Variants in LGR5 observed in about 807,000 individuals in gnomAD.
The protein encoded by LGR5 is leucine-rich repeat-containing G protein-coupled receptor 5.
LGR5 carries 54 observed loss-of-function variants against 76.7 expected under a neutral mutation model. That is an observed-to-expected ratio of 0.70 (90% CI 0.57 to 0.88). The LOEUF (loss-of-function observed/expected upper bound fraction) is 0.88, where lower values mean the gene tolerates loss of function less well. Ranked by LOEUF, LGR5 falls within the 40% of genes least tolerant of loss-of-function variation. The pLI is 0.00. For missense variants in LGR5, 1,078 were observed against 1,073.3 expected, an observed-to-expected ratio of 1.00 and a Z score of -0.06; for synonymous variants, 406 against 421.9, an observed-to-expected ratio of 0.96 and a Z score of 0.46.
rs565300487 is a variant in LGR5, at chr12:71,544,456, T to A, written c.429-8617T>A. ...CAAATTTCCCATATAAGCAATCATG[T>A]TATTTAATATCTTCCTAGATAGGCT... On this transcript the variant is annotated intron_variant, in intron 4 of 17. Transcript: ENST00000266674. 2.7e-5 allele frequency among the ~76,000 whole-genome samples: 4 copies of A among 150,820 alleles called. No homozygotes were observed. The South Asian group carries it at 8.3e-4, about 31-fold the overall frequency.
chr12:71,535,059 A>G (rs1876515184), intron 3 of LGR5, 56 bp from the exon 4 acceptor site: 3 of 1,153,126 alleles, frequency 2.6e-6, no homozygotes, highest in Admixed American at 1.7e-5. Flanking sequence ...GGCCTTGTTT[A>G]GGCCTGTTAT....
intron 8 of LGR5, among the ~76,000 whole-genome samples, chr12:71,563,577 T>C (rs1249631669): frequency 1.3e-5 from 2 of 152,104 alleles, no homozygotes; most frequent in Non-Finnish European, 2.9e-5. Flanking sequence ...TCCCCAAAGC[T>C]CTCCTCATTC....
At chr12:71,516,387 G>A (rs1473920876) in intron 2 of LGR5, among the ~76,000 whole-genome samples, 1 of 152,122 alleles carries the variant, frequency 6.6e-6, no homozygotes, top group Non-Finnish European at 1.5e-5. Context: ...GGTAGATCTA[G>A]CCAGGCCCCC....
chr12:71,566,253 C>T, intron 8 of LGR5, 151 bp from the exon 9 acceptor site: 1 of 607,878 alleles, frequency 1.6e-6, no homozygotes, highest in Non-Finnish European at 2.9e-6. Context: ...ACTTTTGAGG[C>T]TTGCCTGAAA....
At chr12:71,480,979 G>A (rs1013474856) in intron 1 of LGR5, among the ~76,000 whole-genome samples, 11 of 152,146 alleles carry the variant, frequency 7.2e-5, no homozygotes, top group African/African-American at 2.7e-4. Flanking sequence ...TCATACGATA[G>A]CTAGATAACA....
At chr12:71,518,946 TATATAACAAACCTGC>T (rs1360230463) in intron 2 of LGR5, among the ~76,000 whole-genome samples, 5 of 152,188 alleles carry the variant, frequency 3.3e-5, no homozygotes, top group Non-Finnish European at 5.9e-5. Flanking sequence ...CAAGTTTACC[TATATAACAAACCTGC>T]ATATGTACCC....
Position 71,532,796 on chromosome 12 carries a change from A to AT in LGR5, c.357-2305dup, listed in dbSNP as rs34973486. Reference sequence around the variant, plus strand: ...AGCTCTTCCTCAAGTTCAAATGAAGATTTTTTTTTTTTTTGAGACAGGGTC... The same window carrying AT: ...AGCTCTTCCTCAAGTTCAAATGAAGATTTTTTTTTTTTTTTGAGACAGGGTC... On this transcript the variant is annotated intron_variant, in intron 3 of 17. Coordinates refer to ENST00000266674, the MANE Select transcript of LGR5 (RefSeq NM_003667.4). 6.6e-3 allele frequency among the ~76,000 whole-genome samples: 961 copies of AT among 146,144 alleles called. 12 individuals are homozygous for AT. The highest frequency in any genetic ancestry group is 0.018 in the African/African-American group (738 of 39,976).
chr12:71,570,411 G>T (rs1391645973), intron 11 of LGR5, among the ~76,000 whole-genome samples: 2 of 152,108 alleles, frequency 1.3e-5, no homozygotes, highest in African/African-American at 4.8e-5. Context: ...AAGGTCTTTT[G>T]TTCCCTCTAT....
intron 1 of LGR5, among the ~76,000 whole-genome samples, chr12:71,460,791 C>G (rs908514883): frequency 4.6e-5 from 7 of 152,112 alleles, no homozygotes; most frequent in Non-Finnish European, 1.0e-4. Context: ...CATTTCATCC[C>G]GCCTTACACA....
chr12:71,479,017 T>C (rs1248460473), intron 1 of LGR5, among the ~76,000 whole-genome samples: 2 of 152,248 alleles, frequency 1.3e-5, no homozygotes, highest in African/African-American at 4.8e-5. Context: ...CAGGCTCACA[T>C]ACTATTCAAT....
At chr12:71,475,660 T>C (rs967947402) in intron 1 of LGR5, among the ~76,000 whole-genome samples, 6 of 152,170 alleles carry the variant, frequency 3.9e-5, no homozygotes, top group African/African-American at 1.4e-4. Flanking sequence ...CCCCTTATCA[T>C]AGCTGATATT....
intron 1 of LGR5, among the ~76,000 whole-genome samples, chr12:71,441,243 G>T (rs1319269088): frequency 6.6e-6 from 1 of 152,068 alleles, no homozygotes; most frequent in Non-Finnish European, 1.5e-5. Flanking sequence ...TGAACGCGGT[G>T]ACCCAGGAGG....
intron 3 of LGR5, among the ~76,000 whole-genome samples, chr12:71,531,938 A>C (rs1454634181): frequency 1.3e-5 from 2 of 152,212 alleles, no homozygotes; most frequent in African/African-American, 4.8e-5. Context: ...TATATAAAGC[A>C]GCAGAGAAAG....
Position 71,440,204 on chromosome 12 carries a change from C to T in LGR5, c.124C>T (p.Pro42Ser). ...RGCPTHCHCE[P>S]DGRMLLRVDC... is the part of the protein sequence containing the mutation. ...CTGCCCCACACACTGTCATTGCGAG[C>T]CCGACGGCAGGATGTTGCTCAGGGT... is the stretch of plus-strand genomic sequence containing the variant. Residue 42 changes from proline (P) to serine (S), a missense_variant, in exon 1 of 18, where the codon CCC becomes TCC. By Grantham distance (74) the Pro-to-Ser change is moderately conservative. Transcript: ENST00000266674. This position sits in a 1 kb window ranked among gnomAD's most constrained non-coding sequence, Gnocchi z 5.3. 6.2e-7 allele frequency: 1 copy of T among 1,612,708 alleles called. No individual in the cohort carries two copies.
At chr12:71,572,218 G>A (rs7303838) in intron 12 of LGR5, among the ~76,000 whole-genome samples, 28,848 of 151,714 alleles carry the variant, frequency 0.19, 3,122 homozygotes, top group East Asian at 0.44. Flanking sequence ...GAGTAGCTGG[G>A]ATTACAGGCA....
rs1306284879 is a variant in LGR5 at position 71,584,743 on chromosome 12, T to C, written c.*9T>C. On this transcript the variant is annotated 3_prime_UTR_variant, in exon 18 of 18. Coordinates refer to ENST00000266674, the MANE Select transcript of LGR5 (RefSeq NM_003667.4). ...TTGTCCCATGTCTCTAATTAATATG[T>C]GAAGGAAAATGTTTTCAAAGGTTGA... 2.5e-6 allele frequency: 4 copies of C among 1,601,450 alleles called. No individual in the cohort carries two copies. The highest frequency in any genetic ancestry group is 3.4e-6 in the Non-Finnish European group (4 of 1,171,072).
intron 13 of LGR5, 39 bp from the exon 14 acceptor site, chr12:71,577,886 A>C: frequency 5.9e-5 from 70 of 1,191,092 alleles, no homozygotes; most frequent in Middle Eastern, 1.9e-4. Flanking sequence ...CATGTTCTTT[A>C]TTCTATATAA....
At chr12:71,489,095 C>A (rs1565685346) in intron 1 of LGR5, among the ~76,000 whole-genome samples, 1 of 152,150 alleles carries the variant, frequency 6.6e-6, no homozygotes, top group Non-Finnish European at 1.5e-5. Context: ...CTAAGGGTGG[C>A]AATCAAATGA....
In LGR5 at chr12:71,566,909, T is replaced by G. The variant is rs766384127; in HGVS notation, c.1067T>G (p.Val356Gly). Residue 356 changes from valine (V) to glycine (G), a missense_variant, in exon 11 of 18, where the codon GTG (valine) becomes GGG (glycine). Val to Gly is a moderately radical substitution (Grantham distance 109). Transcript: ENST00000266674. ...TGCAATCAGTTACCTAATCTCCAAG[T>G]GCTGTGCGTATCAGTAAGGCAATAA... Reference protein sequence around the residue: ...TVCNQLPNLQVLDLSYNLLED... With the variant: ...TVCNQLPNLQGLDLSYNLLED... 2 of 1,610,106 alleles carry G rather than the reference T, an allele frequency of 1.2e-6. No individual in the cohort carries two copies. The highest frequency in any genetic ancestry group is 4.5e-5 in the East Asian group (2 of 44,848).
Sources: allele counts gnomAD v4.1 joint callset (sites outside exome capture counted in the v4.1 genomes callset), GRCh38; gene constraint gnomAD v4.1.1; non-coding constraint Gnocchi (gnomAD v3.1); transcripts MANE v1.5; gene names NCBI Gene and HGNC (gene_info 2026-07-23, HGNC 2026-07-21).